The following GLRB variants were observed in gnomAD, a reference collection of about 807,000 sequenced individuals.
GLRB encodes glycine receptor beta.
In GLRB, 33 loss-of-function variants were observed where a neutral mutation model predicts 54.2. The ratio of observed to expected loss-of-function variants is 0.61; its 90% CI spans 0.46 to 0.81. GLRB has a LOEUF of 0.81. GLRB is among the 40% of genes least tolerant of loss of function. The pLI is 0.00. For missense variants in GLRB, 572 were observed against 584.6 expected, an observed-to-expected ratio of 0.98 and a Z score of 0.22; for synonymous variants, 209 against 208.2, an observed-to-expected ratio of 1.00 and a Z score of -0.03.
chr4:157,127,889 T>C (rs1736071100), intron 4 of GLRB, among the ~76,000 whole-genome samples: 1 of 151,942 alleles, frequency 6.6e-6, no homozygotes, highest in African/African-American at 2.4e-5. Flanking sequence ...AACTGTAAGA[T>C]ACTAAATGTG....
rs149915285 is a variant in GLRB, at chr4:157,152,946, G to A, written c.1133G>A (p.Gly378Glu). 39 of 1,613,870 alleles carry A rather than the reference G, an allele frequency of 2.4e-5. No individual in the cohort carries two copies. In the African/African-American group the frequency reaches 5.2e-4, roughly 22 times the overall value. The change falls in exon 9 of 10, where the codon GGA becomes GAA. Residue 378 changes from glycine to glutamate, a missense_variant. By Grantham distance (98) the Gly-to-Glu change is moderately conservative. Coordinates refer to ENST00000264428, the MANE Select transcript of GLRB (RefSeq NM_000824.5). ...AKAEQADGKG[G>E]NVAKKNTVNG... ...GCTGAGCAAGCAGATGGAAAAGGTGGAAATGTGGCTAAAAAGAATACTGTG... is the reference window on the plus strand; with the variant it reads ...GCTGAGCAAGCAGATGGAAAAGGTGAAAATGTGGCTAAAAAGAATACTGTG...
intron 8 of GLRB, among the ~76,000 whole-genome samples, chr4:157,144,526 C>T (rs1188262510): frequency 1.3e-5 from 2 of 152,156 alleles, no homozygotes; most frequent in Non-Finnish European, 2.9e-5. Context: ...AAAATTGTGT[C>T]TGTATAATGG....
At chr4:157,099,757 TG>T (rs1039514274) in intron 2 of GLRB, among the ~76,000 whole-genome samples, 9 of 152,338 alleles carry the variant, frequency 5.9e-5, no homozygotes, top group Admixed American at 5.9e-4. Context: ...TTAGAAGATA[TG>T]GACAGTTTTC....
At chr4:157,124,346 A>G (rs918423322) in intron 4 of GLRB, among the ~76,000 whole-genome samples, 1 of 151,636 alleles carries the variant, frequency 6.6e-6, no homozygotes, top group Non-Finnish European at 1.5e-5. Flanking sequence ...TAGGTTTTTC[A>G]TCTCTATTAT....
rs183731681 is a variant in GLRB at position 157,129,549 on chromosome 4, G to C, written c.298-6920G>C. 2.0e-5 allele frequency among the ~76,000 whole-genome samples: 3 copies of C among 151,746 alleles called. No homozygotes were observed. The East Asian group carries it at 5.8e-4, about 30-fold the overall frequency. On this transcript the variant is annotated intron_variant, in intron 4 of 9. Transcript: ENST00000264428. ...GATACATAAGCTTGCTGGAACTTGC[G>C]TGGAATCATAGTATTATATGGCCTC...
At chr4:157,152,357 A>G (rs1266686117) in intron 8 of GLRB, among the ~76,000 whole-genome samples, 1 of 152,156 alleles carries the variant, frequency 6.6e-6, no homozygotes, top group Non-Finnish European at 1.5e-5. Context: ...CAAAGCTGAA[A>G]AATAACATAC....
intron 9 of GLRB, among the ~76,000 whole-genome samples, chr4:157,163,088 C>T (rs997295219): frequency 8.5e-5 from 13 of 152,192 alleles, no homozygotes; most frequent in African/African-American, 3.1e-4. Context: ...TCTCAGACTG[C>T]TGTGCTAGCA....
In GLRB at chr4:157,077,985, C is replaced by T; in HGVS notation, c.-29-11C>T. On this transcript the variant is annotated splice_polypyrimidine_tract_variant and intron_variant, in intron 1 of 9. Coordinates refer to ENST00000264428, the MANE Select transcript of GLRB (RefSeq NM_000824.5). ...TCATAAATGTAAACATTTTCTTGTTCTCTCTTGTAGATCGATCTTCTGAAA... is the reference window on the plus strand; with the variant it reads ...TCATAAATGTAAACATTTTCTTGTTTTCTCTTGTAGATCGATCTTCTGAAA... The T allele has an allele frequency of 6.4e-7, 1 of 1,558,982 alleles. No homozygotes were observed. Among genetic ancestry groups the T allele is most frequent in the Non-Finnish European group, 8.8e-7 (1 of 1,133,742 alleles).
intron 4 of GLRB, among the ~76,000 whole-genome samples, chr4:157,127,887 G>A (rs1736070897): frequency 6.6e-6 from 1 of 151,900 alleles, no homozygotes; most frequent in Non-Finnish European, 1.5e-5. Flanking sequence ...AGAACTGTAA[G>A]ATACTAAATG....
intron 7 of GLRB, among the ~76,000 whole-genome samples, chr4:157,142,158 CAT>C (rs1736640732): frequency 6.6e-6 from 1 of 151,938 alleles, no homozygotes; most frequent in African/African-American, 2.4e-5. Context: ...AAATATTGCA[CAT>C]GATTGTTAGT....
intron 2 of GLRB, among the ~76,000 whole-genome samples, chr4:157,081,553 A>T (rs979501133): frequency 2.0e-5 from 3 of 152,184 alleles, no homozygotes; most frequent in Non-Finnish European, 2.9e-5. Flanking sequence ...CTTTTCATTC[A>T]TACTACAATC....
rs540576437 is a variant in GLRB, at chr4:157,086,254, T to C, written c.122+8108T>C. ...GCTTAATATATCTAGGCTTTACTAG[T>C]CCCTCAGAGCTCATCTTAGATATTA... On this transcript the variant is annotated intron_variant, in intron 2 of 9. Coordinates refer to ENST00000264428, the MANE Select transcript of GLRB (RefSeq NM_000824.5). 1.3e-5 allele frequency among the ~76,000 whole-genome samples: 2 copies of C among 152,366 alleles called. 1 individual carries two copies. Among genetic ancestry groups the C allele is most frequent in the South Asian group, 4.1e-4 (2 of 4,830 alleles).
intron 2 of GLRB, among the ~76,000 whole-genome samples, chr4:157,100,780 A>G (rs1247630279): frequency 6.6e-6 from 1 of 152,210 alleles, no homozygotes; most frequent in Admixed American, 6.5e-5. Context: ...AAATGTGGCT[A>G]GATCTGGGAT....
At chr4:157,119,602 T>G (rs188528486) in intron 2 of GLRB, among the ~76,000 whole-genome samples, 4 of 151,654 alleles carry the variant, frequency 2.6e-5, no homozygotes, top group Non-Finnish European at 5.9e-5. Flanking sequence ...ATTGTTAAAA[T>G]ATATATATTT....
intron 8 of GLRB, 74 bp downstream of exon 8, chr4:157,144,033 A>G: frequency 7.2e-7 from 1 of 1,398,460 alleles, no homozygotes; most frequent in South Asian, 1.2e-5. Flanking sequence ...ATAATCAACT[A>G]CTTTGAAACA....
intron 2 of GLRB, among the ~76,000 whole-genome samples, chr4:157,082,031 C>G (rs1734239150): frequency 6.6e-6 from 1 of 152,134 alleles, no homozygotes; most frequent in African/African-American, 2.4e-5. Context: ...TTCCCTTTCC[C>G]TGAAATGCCA....
chr4:157,124,885 G>A lies in GLRB; in HGVS notation c.297+2488G>A, dbSNP rs146922695. On this transcript the variant is annotated intron_variant, in intron 4 of 9. Transcript: ENST00000264428. Reference sequence around the variant, plus strand: ...CATTTTATCATAATTATTCTTTTTTGCTTCCAGCAATATTTATTTTATATA... The same window carrying A: ...CATTTTATCATAATTATTCTTTTTTACTTCCAGCAATATTTATTTTATATA... Among the ~76,000 whole-genome samples the A allele has an allele frequency of 2.2e-4, 33 of 151,446 alleles. No homozygotes were observed. In the East Asian group the frequency reaches 6.3e-3, roughly 29 times the overall value.
intron 9 of GLRB, among the ~76,000 whole-genome samples, chr4:157,161,328 A>G (rs1737479498): frequency 6.6e-6 from 1 of 152,182 alleles, no homozygotes; most frequent in Non-Finnish European, 1.5e-5. Flanking sequence ...TAGCCCATTT[A>G]CATTTAAGGT....
chr4:157,147,859 C>G (rs67441935), intron 8 of GLRB, among the ~76,000 whole-genome samples: 64,238 of 152,074 alleles, frequency 0.42, 16,057 homozygotes, highest in African/African-American at 0.7. Flanking sequence ...GGGCCATATG[C>G]TTTCTGTCAT....
Sources: gnomAD v4.1 joint callset for allele counts (sites outside exome capture counted in the v4.1 genomes callset) on GRCh38, gnomAD v4.1.1 for gene constraint, MANE v1.5 for transcripts, NCBI Gene and HGNC (gene_info 2026-07-23, HGNC 2026-07-21) for gene names.